TDRD5: variants seen among roughly 807,000 people sequenced by gnomAD.
TDRD5 encodes tudor domain-containing protein 5.
Under a neutral mutation model 120.6 loss-of-function variants are expected in TDRD5, and 41 were observed. That is an observed-to-expected ratio of 0.34 (90% CI 0.26 to 0.44). The LOEUF (loss-of-function observed/expected upper bound fraction) is 0.44, where lower values mean the gene tolerates loss of function less well. Ranked by LOEUF, TDRD5 falls within the 20% of genes least tolerant of loss-of-function variation. TDRD5 has a pLI of 1.00. For missense variants in TDRD5, 1,006 were observed against 1,221.2 expected, an observed-to-expected ratio of 0.82 and a Z score of 2.63; for synonymous variants, 430 against 433.7, an observed-to-expected ratio of 0.99 and a Z score of 0.11.
chr1:179,611,738 T>C (rs922162212), intron 4 of TDRD5, among the ~76,000 whole-genome samples: 1 of 152,166 alleles, frequency 6.6e-6, no homozygotes, highest in African/African-American at 2.4e-5. Flanking sequence ...TGGCTCCAAG[T>C]TGAGGAGTGA....
intron 6 of TDRD5, among the ~76,000 whole-genome samples, chr1:179,626,142 A>G (rs1677117736): frequency 6.6e-6 from 1 of 152,138 alleles, no homozygotes; most frequent in Admixed American, 6.5e-5. Flanking sequence ...GCAGCGCACC[A>G]GCATGGCACA....
chr1:179,593,917 G>A, intron 3 of TDRD5, 50 bp downstream of exon 3: 2 of 1,572,680 alleles, frequency 1.3e-6, no homozygotes, highest in Non-Finnish European at 1.7e-6. Context: ...AGAGGGGTGT[G>A]TAATCACTAA....
chr1:179,656,321 C>T (rs1679002844), intron 14 of TDRD5, among the ~76,000 whole-genome samples: 1 of 152,048 alleles, frequency 6.6e-6, no homozygotes, highest in African/African-American at 2.4e-5. Context: ...TTTATATATT[C>T]AGGATACTAG....
intron 4 of TDRD5, among the ~76,000 whole-genome samples, chr1:179,600,584 G>T (rs1675652142): frequency 6.6e-6 from 1 of 152,126 alleles, no homozygotes; most frequent in African/African-American, 2.4e-5. Flanking sequence ...ATTTTTCAAA[G>T]AACAAGTTTT....
intron 5 of TDRD5, among the ~76,000 whole-genome samples, chr1:179,620,026 A>G (rs571090868): frequency 8.5e-5 from 13 of 152,348 alleles, no homozygotes; most frequent in Non-Finnish European, 1.3e-4. Context: ...GAGAAAGTTT[A>G]TATATGTCTC....
At chr1:179,688,449 C>G (rs999156403) in intron 17 of TDRD5, among the ~76,000 whole-genome samples, 12 of 152,210 alleles carry the variant, frequency 7.9e-5, no homozygotes, top group Admixed American at 2.6e-4. Flanking sequence ...TGTGGGTAAC[C>G]TGACCTTTCT....
intron 7 of TDRD5, among the ~76,000 whole-genome samples, chr1:179,634,225 C>G (rs1018681808): frequency 1.3e-5 from 2 of 152,018 alleles, no homozygotes; most frequent in Non-Finnish European, 2.9e-5. Flanking sequence ...CCTCCCTCCC[C>G]CTAGCACAAA....
intron 17 of TDRD5, among the ~76,000 whole-genome samples, chr1:179,688,112 G>A (rs575839350): frequency 1.4e-4 from 21 of 152,154 alleles, no homozygotes; most frequent in African/African-American, 2.2e-4. Context: ...TATTTTGCCC[G>A]TTAGTTGATG....
In TDRD5 at chr1:179,654,256, C is replaced by G; in HGVS notation, c.2216C>G (p.Pro739Arg). 1 of 1,548,862 alleles carries G rather than the reference C, an allele frequency of 6.5e-7. No individual in the cohort carries two copies. Among genetic ancestry groups the G allele is most frequent in the Non-Finnish European group, 8.7e-7 (1 of 1,145,986 alleles). The change falls in exon 14 of 18, where the codon CCA (proline) becomes CGA (arginine). Residue 739 changes from proline (P) to arginine (R), a missense_variant. Physicochemically the swap from Pro to Arg is moderately radical, Grantham distance 103 (BLOSUM62 -2). This residue lies in a region of TDRD5 where 403 missense variants were observed against 448.1 expected (regional missense o/e 0.90). Transcript: ENST00000444136. ...CATCTTAAATCTGAGTCAAAGGAGC[C>G]ATTAAAGGATTCTGAATTTGAGTCT... ...LSHLKSESKE[P>R]LKDSEFESLK...
rs1165649276 is a variant in TDRD5 at position 179,616,437 on chromosome 1, A to C, written c.832-2162A>C. On this transcript the variant is annotated intron_variant, in intron 4 of 17. Coordinates refer to ENST00000444136, the MANE Select transcript of TDRD5 (RefSeq NM_001199085.3). ...TATTCTCTCCCAGCACCCCAGTTAA[A>C]ACTCTTGCCTAGAGAGTTGCAGTGG... is the stretch of plus-strand genomic sequence containing the variant. 5.3e-5 allele frequency among the ~76,000 whole-genome samples: 8 copies of C among 152,096 alleles called. No homozygotes were observed. In the East Asian group the frequency reaches 1.6e-3, roughly 29 times the overall value.
At chr1:179,647,048 G>A (rs1324876014) in intron 11 of TDRD5, among the ~76,000 whole-genome samples, 4 of 150,666 alleles carry the variant, frequency 2.7e-5, no homozygotes, top group African/African-American at 7.4e-5. Context: ...CAGATTCAAT[G>A]CCATCTCCAT....
At chr1:179,688,301 T>C (rs560494484) in intron 17 of TDRD5, among the ~76,000 whole-genome samples, 1 of 152,334 alleles carries the variant, frequency 6.6e-6, no homozygotes, top group Non-Finnish European at 1.5e-5. Flanking sequence ...CCTTCACTTA[T>C]GAAGCTTAGT....
At position 179,634,061 on chromosome 1, in the gene TDRD5, C is replaced by T. The variant is rs189941816; in HGVS notation, c.1127-396C>T. On this transcript the variant is annotated intron_variant, in intron 7 of 17. Coordinates refer to ENST00000444136, the MANE Select transcript of TDRD5 (RefSeq NM_001199085.3). ...TGGCGGGTGCCTGTAGTCCCAGCTA[C>T]TCGGGAGGCTGAGGCAGGAGAATGG... Among the ~76,000 whole-genome samples the T allele has an allele frequency of 5.4e-3, 819 of 151,828 alleles. 3 individuals carry two copies. Among genetic ancestry groups the T allele is most frequent in the Middle Eastern group, 0.024 (7 of 294 alleles).
chr1:179,604,905 A>G (rs936782958), intron 4 of TDRD5, among the ~76,000 whole-genome samples: 2 of 152,110 alleles, frequency 1.3e-5, no homozygotes, highest in African/African-American at 4.8e-5. Flanking sequence ...GTTCCTAGGT[A>G]TAGTTTAAAT....
chr1:179,637,312 G>C (rs1337224290), intron 9 of TDRD5, among the ~76,000 whole-genome samples: 1 of 152,068 alleles, frequency 6.6e-6, no homozygotes, highest in Non-Finnish European at 1.5e-5. Flanking sequence ...ACACTCACTG[G>C]CTCTCTGACC....
chr1:179,648,628 A>G (rs929958055), intron 11 of TDRD5, among the ~76,000 whole-genome samples: 2 of 145,552 alleles, frequency 1.4e-5, no homozygotes, highest in African/African-American at 2.5e-5. Context: ...CACCCTGAGG[A>G]AAAAAAAAAC....
rs1675175882 is a variant in TDRD5, at chr1:179,592,628, G to C, written c.13G>C (p.Glu5Gln). 6.2e-7 allele frequency: 1 copy of C among 1,613,846 alleles called. No individual in the cohort carries two copies. The highest frequency in any genetic ancestry group is 1.3e-5 in the African/African-American group (1 of 74,864). ...CCTGTAGGGCACAATGTCTGAACAA[G>C]AGCGTATACAGGAATGTCTGCGGAA... MSEQ[E>Q]RIQECLRKEI... is the part of the protein sequence containing the mutation. Residue 5 changes from glutamate (E) to glutamine (Q), a missense_variant, in exon 2 of 18, where the codon GAG becomes CAG. Coordinates refer to ENST00000444136, the MANE Select transcript of TDRD5 (RefSeq NM_001199085.3).
chr1:179,618,564 G>C, intron 4 of TDRD5, 35 bp from the exon 5 acceptor site: 1 of 1,520,066 alleles, frequency 6.6e-7, no homozygotes, highest in Non-Finnish European at 8.9e-7. Flanking sequence ...TGGTCAGGGG[G>C]ACTGTGACTT....
chr1:179,687,942 GCA>G (rs1387523874), intron 17 of TDRD5, among the ~76,000 whole-genome samples: 1 of 129,940 alleles, frequency 7.7e-6, no homozygotes, highest in Non-Finnish European at 1.7e-5. Context: ...GTGTGTCTCT[GCA>G]CATGAGATGG....
Sources: allele counts gnomAD v4.1 joint callset (sites outside exome capture counted in the v4.1 genomes callset), GRCh38; gene constraint gnomAD v4.1.1; regional missense constraint gnomAD v4.1.1; transcripts MANE v1.5; gene names NCBI Gene and HGNC (gene_info 2026-07-23, HGNC 2026-07-21).